ZSWIM5: variants seen among roughly 807,000 people sequenced by gnomAD.
ZSWIM5 encodes the protein zinc finger SWIM-type containing 5.
ZSWIM5 carries 55 observed loss-of-function variants against 119.6 expected under a neutral mutation model. That is an observed-to-expected ratio of 0.46 (90% CI 0.37 to 0.58). The LOEUF (loss-of-function observed/expected upper bound fraction) is 0.58. Among genes scored for constraint, ZSWIM5 ranks in the 20% least tolerant of loss-of-function variants. The pLI is 0.00. For missense variants in ZSWIM5, 1,193 were observed against 1,512.8 expected (o/e 0.79, Z 3.51); for synonymous variants, 537 against 606.9 (o/e 0.88, Z 1.69).
In ZSWIM5 at chr1:45,172,327, T is replaced by C. The variant is rs567085746; in HGVS notation, c.595+33429A>G. Among the ~76,000 whole-genome samples the C allele has an allele frequency of 3.3e-5, 5 of 152,150 alleles. No homozygotes were observed. In the East Asian group the frequency reaches 7.7e-4, roughly 23 times the overall value. ...AAGGAAGATAAAATATCAACTTCAA[T>C]TGGTAATAAACAGCAAATATATTGG... is the stretch of plus-strand genomic sequence containing the variant. On this transcript the variant is annotated intron_variant, in intron 1 of 13. Transcript: ENST00000359600.
chr1:45,073,551 G>A (rs1002054447), intron 2 of ZSWIM5, among the ~76,000 whole-genome samples: 6 of 151,528 alleles, frequency 4.0e-5, no homozygotes, highest in Non-Finnish European at 5.9e-5. Flanking sequence ...GAGCCACTGC[G>A]CCCGGCCTGC....
At chr1:45,094,065 ATTTATTTT>A (rs1645384073) in intron 1 of ZSWIM5, among the ~76,000 whole-genome samples, 2 of 141,346 alleles carry the variant, frequency 1.4e-5, no homozygotes, top group South Asian at 2.5e-4. Flanking sequence ...TTATTTATTT[ATTTATTTT>A]TGAGACGGAG....
At chr1:45,152,851 C>T (rs1327015577) in intron 1 of ZSWIM5, among the ~76,000 whole-genome samples, 6 of 151,776 alleles carry the variant, frequency 4.0e-5, no homozygotes, top group South Asian at 2.1e-4. Context: ...TCTCAATCTA[C>T]GCATCTGACA....
intron 1 of ZSWIM5, among the ~76,000 whole-genome samples, chr1:45,146,652 C>T (rs1645762616): frequency 6.6e-6 from 1 of 151,574 alleles, no homozygotes; most frequent in South Asian, 2.1e-4. Flanking sequence ...GTTGGCCAGG[C>T]TGGTCTCGAA....
At chr1:45,107,641 CA>C (rs931372052) in intron 1 of ZSWIM5, among the ~76,000 whole-genome samples, 6,745 of 68,544 alleles carry the variant, frequency 0.098, 116 homozygotes, top group East Asian at 0.16. Flanking sequence ...GACTCTGTCT[CA>C]AAAAAAAAAA....
intron 1 of ZSWIM5, among the ~76,000 whole-genome samples, chr1:45,165,756 G>T (rs1312855527): frequency 6.6e-6 from 1 of 152,040 alleles, no homozygotes; most frequent in Non-Finnish European, 1.5e-5. Flanking sequence ...ACCCTCCCAA[G>T]ACTAAACCAG....
At chr1:45,082,636 A>G (rs346706) in intron 2 of ZSWIM5, among the ~76,000 whole-genome samples, 26,690 of 152,210 alleles carry the variant, frequency 0.18, 2,505 homozygotes, top group African/African-American at 0.24. Flanking sequence ...ATCAGGAAAG[A>G]GCCTGTAGAA....
intron 2 of ZSWIM5, 127 bp from the exon 3 acceptor site, chr1:45,060,374 C>G (rs1645145664): frequency 1.1e-6 from 1 of 872,430 alleles, no homozygotes. Context: ...GTTTTGTCAA[C>G]TGTATAGTCC....
chr1:45,180,293 G>T (rs1646008439), intron 1 of ZSWIM5, among the ~76,000 whole-genome samples: 1 of 152,178 alleles, frequency 6.6e-6, no homozygotes, highest in Non-Finnish European at 1.5e-5. Context: ...CCTGCACCTG[G>T]CTCGGAGGGT....
intron 4 of ZSWIM5, among the ~76,000 whole-genome samples, chr1:45,052,757 GA>G (rs5773862): frequency 0.84 from 122,571 of 146,516 alleles, 51,169 homozygotes; most frequent in South Asian, 0.92. Context: ...TGGGTGATGG[GA>G]AAAAAAAAAA....
intron 2 of ZSWIM5, among the ~76,000 whole-genome samples, chr1:45,085,669 C>CTTTGAG (rs1645323037): frequency 6.6e-6 from 1 of 151,838 alleles, no homozygotes. Context: ...TTCCACAGAT[C>CTTTGAG]CCAAGGGCAG....
At chr1:45,194,206 C>T (rs1646109042) in intron 1 of ZSWIM5, among the ~76,000 whole-genome samples, 1 of 152,070 alleles carries the variant, frequency 6.6e-6, no homozygotes, top group South Asian at 2.1e-4. Context: ...TGCTACAGGC[C>T]TCTATTCAAT....
chr1:45,205,169 T>C (rs977244332), intron 1 of ZSWIM5, among the ~76,000 whole-genome samples: 1 of 151,380 alleles, frequency 6.6e-6, no homozygotes, highest in African/African-American at 2.4e-5. Context: ...GGAGAAGCTG[T>C]CACATTTCCA....
chr1:45,041,659 C>T (rs1278593026), intron 6 of ZSWIM5, among the ~76,000 whole-genome samples: 1 of 151,880 alleles, frequency 6.6e-6, no homozygotes, highest in Non-Finnish European at 1.5e-5. Flanking sequence ...GCCTCAGCCT[C>T]CTGAGTAGCT....
chr1:45,140,030 G>A (rs1645717144), intron 1 of ZSWIM5, among the ~76,000 whole-genome samples: 1 of 152,060 alleles, frequency 6.6e-6, no homozygotes, highest in African/African-American at 2.4e-5. Flanking sequence ...GTATTTTAAG[G>A]TTTACATTTT....
At chr1:45,113,380 A>AT (rs1235034432) in intron 1 of ZSWIM5, among the ~76,000 whole-genome samples, 1 of 152,106 alleles carries the variant, frequency 6.6e-6, no homozygotes, top group East Asian at 1.9e-4. Context: ...TTATTTATTT[A>AT]TTTTTTAGAG....
chr1:45,132,631 A>C (rs974269242), intron 1 of ZSWIM5, among the ~76,000 whole-genome samples: 1 of 151,692 alleles, frequency 6.6e-6, no homozygotes, highest in Non-Finnish European at 1.5e-5. Context: ...TTTTTATTAT[A>C]CTTTAAGTTC....
chr1:45,149,929 G>A (rs918165118), intron 1 of ZSWIM5, among the ~76,000 whole-genome samples: 1 of 151,874 alleles, frequency 6.6e-6, no homozygotes, highest in Admixed American at 6.6e-5. Flanking sequence ...CCAGCTTTGG[G>A]AGGCCAAAGT....
intron 1 of ZSWIM5, among the ~76,000 whole-genome samples, chr1:45,190,013 G>C (rs1557794055): frequency 6.6e-6 from 1 of 151,952 alleles, no homozygotes. Context: ...ACTAGGCTCA[G>C]GCTTTTCTGT....
Sources: allele counts gnomAD v4.1 joint callset (sites outside exome capture counted in the v4.1 genomes callset), GRCh38; gene constraint gnomAD v4.1.1; transcripts MANE v1.5; gene names NCBI Gene and HGNC (gene_info 2026-07-23, HGNC 2026-07-21).